The following MACROD2 variants were observed in gnomAD, a reference collection of about 807,000 sequenced individuals.
The protein encoded by MACROD2 is ADP-ribose glycohydrolase MACROD2.
In MACROD2, 36 loss-of-function variants were observed where a neutral mutation model predicts 70.4. The observed-to-expected ratio is 0.51, with a 90% CI of 0.39 to 0.68. The LOEUF (loss-of-function observed/expected upper bound fraction) is 0.68, where lower values mean the gene tolerates loss of function less well. Ranked by LOEUF, MACROD2 falls within the 30% of genes least tolerant of loss-of-function variation. The pLI is 0.00. For missense variants in MACROD2, 496 were observed against 538.4 expected, an observed-to-expected ratio of 0.92 and a Z score of 0.78; for synonymous variants, 172 against 178.8, an observed-to-expected ratio of 0.96 and a Z score of 0.30.
At chr20:14,985,687 T>A (rs2074842115) in intron 5 of MACROD2, among the ~76,000 whole-genome samples, 1 of 140,820 alleles carries the variant, frequency 7.1e-6, no homozygotes, top group Non-Finnish European at 1.6e-5. Flanking sequence ...CTCTTATTCT[T>A]TTTTTTTTTT....
chr20:14,926,652 G>T (rs1280981674), intron 5 of MACROD2, among the ~76,000 whole-genome samples: 2 of 152,138 alleles, frequency 1.3e-5, no homozygotes, highest in African/African-American at 4.8e-5. Flanking sequence ...GCATGTGTGG[G>T]AATGAGAGTG....
intron 12 of MACROD2, among the ~76,000 whole-genome samples, chr20:15,946,163 G>T (rs887872366): frequency 6.6e-6 from 1 of 152,052 alleles, no homozygotes; most frequent in Non-Finnish European, 1.5e-5. Context: ...GACCCTGCAC[G>T]TGCCTTACGC....
intron 5 of MACROD2, among the ~76,000 whole-genome samples, chr20:15,136,091 G>T (rs1369938918): frequency 6.9e-6 from 1 of 144,004 alleles, no homozygotes; most frequent in African/African-American, 2.6e-5. Flanking sequence ...AACATTCCAT[G>T]CTCATGGATA....
chr20:14,420,092 TC>T (rs1242258197), intron 3 of MACROD2, among the ~76,000 whole-genome samples: 1 of 151,554 alleles, frequency 6.6e-6, no homozygotes, highest in Non-Finnish European at 1.5e-5. Flanking sequence ...TACCAAAAGG[TC>T]CTCTAGAAAT....
chr20:13,998,864 A>T (rs2052696342), intron 1 of MACROD2, among the ~76,000 whole-genome samples: 1 of 151,652 alleles, frequency 6.6e-6, no homozygotes, highest in South Asian at 2.1e-4. Flanking sequence ...CTGAGGCAGG[A>T]GAAACGCTTG....
At chr20:14,036,147 A>C (rs1487656324) in intron 2 of MACROD2, among the ~76,000 whole-genome samples, 1 of 152,200 alleles carries the variant, frequency 6.6e-6, no homozygotes, top group Non-Finnish European at 1.5e-5. Flanking sequence ...GTCTCAAAAA[A>C]AAAAAAAAGC....
chr20:14,523,948 T>A (rs949703079), intron 4 of MACROD2, among the ~76,000 whole-genome samples: 9 of 152,166 alleles, frequency 5.9e-5, no homozygotes, highest in African/African-American at 2.2e-4. Context: ...TTATGAGAGG[T>A]GATCCGGACG....
At chr20:14,459,235 G>A (rs1424627569) in intron 3 of MACROD2, among the ~76,000 whole-genome samples, 2 of 151,874 alleles carry the variant, frequency 1.3e-5, no homozygotes, top group South Asian at 2.1e-4. Flanking sequence ...CTCAAGCAGA[G>A]AATTTAGATT....
intron 6 of MACROD2, among the ~76,000 whole-genome samples, chr20:15,362,793 T>C (rs748732329): frequency 3.3e-5 from 5 of 152,186 alleles, no homozygotes; most frequent in Admixed American, 1.3e-4. Context: ...TTAGTCATTC[T>C]TGCATAATAA....
intron 3 of MACROD2, among the ~76,000 whole-genome samples, chr20:14,320,236 C>A (rs1294005031): frequency 6.6e-6 from 1 of 152,120 alleles, no homozygotes; most frequent in Non-Finnish European, 1.5e-5. Context: ...TCATCATCTT[C>A]AATATTCTAC....
At chr20:15,590,820 G>C (rs1469591945) in intron 8 of MACROD2, among the ~76,000 whole-genome samples, 1 of 151,408 alleles carries the variant, frequency 6.6e-6, no homozygotes, top group African/African-American at 2.4e-5. Context: ...TTGCAGTGAG[G>C]TGAGTCCATG....
chr20:14,727,816 CTT>C (rs1568761902), intron 5 of MACROD2, among the ~76,000 whole-genome samples: 1 of 152,164 alleles, frequency 6.6e-6, no homozygotes, highest in East Asian at 1.9e-4. Flanking sequence ...CTTTCCAACT[CTT>C]TTCCCATATG....
At chr20:15,101,534 C>CAAA (rs6147300) in intron 5 of MACROD2, among the ~76,000 whole-genome samples, 2,072 of 88,906 alleles carry the variant, frequency 0.023, 122 homozygotes, top group African/African-American at 0.028. Context: ...GGTGTTGGTT[C>CAAA]AAAAAAAAAA....
intron 6 of MACROD2, among the ~76,000 whole-genome samples, chr20:15,296,904 A>G (rs184968568): frequency 6.6e-6 from 1 of 152,326 alleles, no homozygotes; most frequent in African/African-American, 2.4e-5. Flanking sequence ...TTTAATGCTG[A>G]AAGTTTACAG....
In MACROD2 at chr20:14,292,052, G is replaced by A. The variant is rs903086085; in HGVS notation, c.272-201427G>A. The stretch of plus-strand genomic sequence containing the variant: ...CAATGGGAGCTGTGAAGCACGAATA[G>A]CATCTCAGAATTGTAGGACCTACAG... On this transcript the variant is annotated intron_variant, in intron 3 of 17. Transcript: ENST00000684519. Among the ~76,000 whole-genome samples, 4 of 151,890 alleles carry A rather than the reference G, an allele frequency of 2.6e-5. 1 individual carries two copies. Among genetic ancestry groups the A allele is most frequent in the African/African-American group, 9.7e-5 (4 of 41,236 alleles).
intron 3 of MACROD2, among the ~76,000 whole-genome samples, chr20:14,404,967 A>T (rs896357902): frequency 5.9e-5 from 9 of 152,164 alleles, no homozygotes; most frequent in South Asian, 2.1e-4. Context: ...AAAGAAAAAA[A>T]ATATATATTC....
chr20:15,519,196 C>T (rs889779025), intron 8 of MACROD2, among the ~76,000 whole-genome samples: 9 of 151,960 alleles, frequency 5.9e-5, no homozygotes, highest in South Asian at 2.1e-4. Flanking sequence ...CTGCAAGCTC[C>T]GCCTCCTGGG....
intron 7 of MACROD2, among the ~76,000 whole-genome samples, chr20:15,473,879 A>G (rs2046990011): frequency 6.6e-6 from 1 of 152,196 alleles, no homozygotes; most frequent in Non-Finnish European, 1.5e-5. Flanking sequence ...GTTTTCTATC[A>G]GCTAAAAGAA....
At chr20:15,816,025 CGT>C (rs1018749285) in intron 8 of MACROD2, among the ~76,000 whole-genome samples, 1 of 151,804 alleles carries the variant, frequency 6.6e-6, no homozygotes, top group African/African-American at 2.4e-5. Flanking sequence ...TCTCCCTCTG[CGT>C]GTGTGTGTTT....
Sources: gnomAD v4.1 joint callset for allele counts (sites outside exome capture counted in the v4.1 genomes callset) on GRCh38, gnomAD v4.1.1 for gene constraint, MANE v1.5 for transcripts, NCBI Gene and HGNC (gene_info 2026-07-23, HGNC 2026-07-21) for gene names.